Variants in MYBPC1 observed in about 807,000 individuals in gnomAD.
The protein encoded by MYBPC1 is myosin binding protein C1.
In MYBPC1, 52 loss-of-function variants were observed where a neutral mutation model predicts 147.1. That is an observed-to-expected ratio of 0.35 (90% CI 0.28 to 0.45). The LOEUF (loss-of-function observed/expected upper bound fraction) is 0.45, where lower values mean the gene tolerates loss of function less well. Among genes scored for constraint, MYBPC1 ranks in the 20% least tolerant of loss-of-function variants. MYBPC1 has a pLI of 1.00. For missense variants in MYBPC1, 1,228 were observed against 1,440.3 expected (o/e 0.85, Z 2.39); for synonymous variants, 477 against 475.9 (o/e 1.00, Z -0.03).
At chr12:101,645,686 A>AT (rs1892953707) in intron 12 of MYBPC1, among the ~76,000 whole-genome samples, 1 of 152,242 alleles carries the variant, frequency 6.6e-6, no homozygotes, top group African/African-American at 2.4e-5. Flanking sequence ...TGTAGAAAAT[A>AT]TTTTTAAATA....
chr12:101,654,224 G>A (rs1302417860), intron 18 of MYBPC1, among the ~76,000 whole-genome samples: 1 of 152,012 alleles, frequency 6.6e-6, no homozygotes, highest in African/African-American at 2.4e-5. Flanking sequence ...TTTTTTTAAT[G>A]TTAAAAATAA....
intron 31 of MYBPC1, among the ~76,000 whole-genome samples, chr12:101,685,146 C>T (rs538470767): frequency 2.6e-5 from 4 of 152,144 alleles, no homozygotes; most frequent in African/African-American, 4.8e-5. Flanking sequence ...GTGCTTGAAT[C>T]GAAACTCTCT....
chr12:101,595,116 T>C, intron 1 of MYBPC1, 21 bp downstream of exon 1: 1 of 1,601,856 alleles, frequency 6.2e-7, no homozygotes, highest in Non-Finnish European at 8.6e-7. Flanking sequence ...TCTAGAAATC[T>C]TTTTGTTGTA....
chr12:101,624,683 A>ATTT (rs57175970), intron 3 of MYBPC1, among the ~76,000 whole-genome samples: 1,983 of 99,078 alleles, frequency 0.02, 83 homozygotes, highest in African/African-American at 0.048. Flanking sequence ...CGGCTAATTA[A>ATTT]TTTTTTTTTT....
At chr12:101,618,356 G>A (rs1707579125) in intron 3 of MYBPC1, among the ~76,000 whole-genome samples, 1 of 152,114 alleles carries the variant, frequency 6.6e-6, no homozygotes, top group Admixed American at 6.6e-5. Context: ...ACTAATCCTG[G>A]CCACGTGGGC....
intron 10 of MYBPC1, among the ~76,000 whole-genome samples, chr12:101,640,239 T>G (rs1891767401): frequency 6.6e-6 from 1 of 152,192 alleles, no homozygotes; most frequent in South Asian, 2.1e-4. Context: ...CTCGAACTCC[T>G]GAGCCCAAGT....
At chr12:101,632,334 G>A in intron 8 of MYBPC1, among the ~76,000 whole-genome samples, 196 bp downstream of exon 8, 1 of 152,100 alleles carries the variant, frequency 6.6e-6, no homozygotes. Flanking sequence ...GAATTGGGGG[G>A]ATTTTATCGC....
Position 101,611,417 on chromosome 12 carries a change from C to T in MYBPC1, c.26-3079C>T, listed in dbSNP as rs989168369. On this transcript the variant is annotated intron_variant, in intron 1 of 31. Transcript: ENST00000361466. ...TAGTGCCCAAGATGATTCTCTTTTA[C>T]GTATTTGATTAGAATTCACCATTGG... Among the ~76,000 whole-genome samples, 6 of 152,108 alleles carry T rather than the reference C, an allele frequency of 3.9e-5. No homozygotes were observed. In the East Asian group the frequency reaches 5.8e-4, roughly 15 times the overall value.
chr12:101,628,113 A>G (rs1247322541), intron 5 of MYBPC1: 1 of 350,248 alleles, frequency 2.9e-6, no homozygotes, highest in East Asian at 6.6e-5. Context: ...AATAATTCAC[A>G]TTTTTATAGA....
intron 24 of MYBPC1, among the ~76,000 whole-genome samples, chr12:101,671,306 C>CAT (rs202088620): frequency 7.8e-4 from 82 of 105,612 alleles, no homozygotes; most frequent in African/African-American, 2.7e-3. Flanking sequence ...ATTTGACACT[C>CAT]ATATACACAC....
intron 18 of MYBPC1, among the ~76,000 whole-genome samples, chr12:101,658,003 C>A (rs1340105485): frequency 2.0e-5 from 3 of 151,958 alleles, no homozygotes; most frequent in Non-Finnish European, 4.4e-5. Flanking sequence ...GTGGTGGCTG[C>A]GCCTGTAGTC....
intron 1 of MYBPC1, among the ~76,000 whole-genome samples, chr12:101,605,583 G>A (rs982682881): frequency 2.0e-5 from 3 of 152,178 alleles, no homozygotes; most frequent in Admixed American, 6.5e-5. Context: ...AAAATTGGTT[G>A]GGCATGGTGG....
intron 22 of MYBPC1, chr12:101,666,378 G>A (rs964669370): frequency 3.4e-6 from 1 of 297,896 alleles, no homozygotes; most frequent in Non-Finnish European, 6.5e-6. Flanking sequence ...ACTGTGCGCT[G>A]CTCCCCCGCA....
intron 11 of MYBPC1, among the ~76,000 whole-genome samples, chr12:101,644,272 A>G (rs772689407): frequency 6.6e-6 from 1 of 152,156 alleles, no homozygotes; most frequent in Non-Finnish European, 1.5e-5. Context: ...CCTGGCCTCA[A>G]GTGATCTGCC....
intron 7 of MYBPC1, 96 bp from the exon 8 acceptor site, chr12:101,631,925 T>C: frequency 3.8e-6 from 5 of 1,315,170 alleles, no homozygotes; most frequent in Non-Finnish European, 5.5e-6. Flanking sequence ...GAGAACATTG[T>C]ACTGGAATTC....
At chr12:101,658,473 A>C (rs905394732) in intron 18 of MYBPC1, among the ~76,000 whole-genome samples, 2 of 152,206 alleles carry the variant, frequency 1.3e-5, no homozygotes, top group African/African-American at 4.8e-5. Flanking sequence ...TTTCCTACCA[A>C]GATCAGAAAT....
chr12:101,649,536 T>A, intron 15 of MYBPC1, 110 bp downstream of exon 15: 1 of 1,292,938 alleles, frequency 7.7e-7, no homozygotes, highest in Non-Finnish European at 1.1e-6. Flanking sequence ...GATTTTTAAG[T>A]ATGTAAAATG....
At chr12:101,621,404 G>A (rs1438894992) in intron 3 of MYBPC1, among the ~76,000 whole-genome samples, 1 of 152,184 alleles carries the variant, frequency 6.6e-6, no homozygotes, top group Non-Finnish European at 1.5e-5. Flanking sequence ...GTGAAGGCAT[G>A]TATCGTCTCA....
At chr12:101,661,484 T>C (rs535115241) in intron 20 of MYBPC1, among the ~76,000 whole-genome samples, 7 of 152,342 alleles carry the variant, frequency 4.6e-5, no homozygotes, top group Admixed American at 2.0e-4. Context: ...CTTTTTTTGT[T>C]TGACATTTAT....
Sources: allele counts gnomAD v4.1 joint callset (sites outside exome capture counted in the v4.1 genomes callset), GRCh38; gene constraint gnomAD v4.1.1; transcripts MANE v1.5; gene names NCBI Gene and HGNC (gene_info 2026-07-23, HGNC 2026-07-21).